KIAA1549L: variants seen among roughly 807,000 people sequenced by gnomAD.
KIAA1549L encodes the protein KIAA1549 like, also known as UPF0606 protein KIAA1549L.
Under a neutral mutation model 160.7 loss-of-function variants are expected in KIAA1549L, and 88 were observed. That is an observed-to-expected ratio of 0.55 (90% CI 0.46 to 0.65). The LOEUF (loss-of-function observed/expected upper bound fraction) is 0.65, where lower values mean the gene tolerates loss of function less well. Ranked by LOEUF, KIAA1549L falls within the 30% of genes least tolerant of loss-of-function variation. The pLI is 0.00. For missense variants in KIAA1549L, 2,258 were observed against 2,437.5 expected, an observed-to-expected ratio of 0.93 and a Z score of 1.55; for synonymous variants, 950 against 976.7, an observed-to-expected ratio of 0.97 and a Z score of 0.51.
intron 1 of KIAA1549L, among the ~76,000 whole-genome samples, chr11:33,518,236 A>G (rs960823831): frequency 2.0e-5 from 3 of 151,834 alleles, no homozygotes; most frequent in African/African-American, 4.8e-5. Flanking sequence ...AACTACTGAA[A>G]AAATTTCTTG....
At chr11:33,557,292 A>T (rs1306781655) in intron 6 of KIAA1549L, among the ~76,000 whole-genome samples, 2 of 152,064 alleles carry the variant, frequency 1.3e-5, no homozygotes, top group African/African-American at 4.8e-5. Context: ...CCCAGCCAGG[A>T]TGTGGTTTTG....
chr11:33,565,172 A>G (rs891940001), intron 8 of KIAA1549L, among the ~76,000 whole-genome samples: 1 of 152,110 alleles, frequency 6.6e-6, no homozygotes, highest in African/African-American at 2.4e-5. Context: ...AGAGAGGTAC[A>G]TGCCCCTTTC....
intron 1 of KIAA1549L, among the ~76,000 whole-genome samples, chr11:33,419,663 T>C (rs1850959734): frequency 6.6e-6 from 1 of 151,988 alleles, no homozygotes; most frequent in African/African-American, 2.4e-5. Flanking sequence ...CTGGTCAACA[T>C]AGTGAAACCC....
chr11:33,540,574 G>A (rs1487209175), intron 1 of KIAA1549L, among the ~76,000 whole-genome samples: 1 of 152,274 alleles, frequency 6.6e-6, no homozygotes, highest in East Asian at 1.9e-4. Context: ...TGTCTGAGGG[G>A]GGAATACCTC....
intron 16 of KIAA1549L, among the ~76,000 whole-genome samples, chr11:33,632,342 G>C (rs1851318914): frequency 6.6e-6 from 1 of 152,206 alleles, no homozygotes; most frequent in South Asian, 2.1e-4. Context: ...CAAGGTTTAT[G>C]GGTTTTACTC....
At chr11:33,523,549 TGA>T (rs1853545572) in intron 1 of KIAA1549L, among the ~76,000 whole-genome samples, 1 of 152,258 alleles carries the variant, frequency 6.6e-6, no homozygotes, top group African/African-American at 2.4e-5. Context: ...AAATTCTCTG[TGA>T]GATGCAAAAT....
At chr11:33,547,217 C>G (rs2133188985) in intron 3 of KIAA1549L, among the ~76,000 whole-genome samples, 1 of 152,350 alleles carries the variant, frequency 6.6e-6, no homozygotes, top group Non-Finnish European at 1.5e-5. Context: ...GAAATTTTCC[C>G]TGATCCCCAT....
chr11:33,419,774 G>A (rs1051067511), intron 1 of KIAA1549L, among the ~76,000 whole-genome samples: 13 of 152,024 alleles, frequency 8.6e-5, no homozygotes, highest in African/African-American at 3.1e-4. Context: ...TTGAACCCAG[G>A]AAGCGGAGGT....
intron 10 of KIAA1549L, among the ~76,000 whole-genome samples, chr11:33,579,095 A>G (rs1855550745): frequency 6.6e-6 from 1 of 152,146 alleles, no homozygotes; most frequent in Admixed American, 6.5e-5. Flanking sequence ...CTGCTCTTCC[A>G]CTTTCTAGTT....
intron 1 of KIAA1549L, among the ~76,000 whole-genome samples, chr11:33,405,400 T>C (rs1217379023): frequency 1.3e-5 from 2 of 152,166 alleles, no homozygotes; most frequent in Admixed American, 6.5e-5. Flanking sequence ...TACAAAATTA[T>C]TAAGCAGTGG....
rs1167212788 is a variant in KIAA1549L, at chr11:33,668,359, A to G, written c.*205A>G. The G allele has an allele frequency of 3.3e-6, 2 of 602,464 alleles. No individual in the cohort carries two copies. The highest frequency in any genetic ancestry group is 2.8e-5 in the East Asian group (1 of 35,962). 37.3% of individuals were successfully genotyped at this position (602,464 alleles called of 1,614,324 possible). A position where few individuals can be genotyped will look rare whatever the true frequency, so the allele number is the denominator to read the frequency against. Reference sequence around the variant, plus strand: ...GGCTCATCCAACTGATTGTGGGTCAAGTCCCTGGCTTGGGGCCTTATGTTT... The same window carrying G: ...GGCTCATCCAACTGATTGTGGGTCAGGTCCCTGGCTTGGGGCCTTATGTTT... On this transcript the variant is annotated 3_prime_UTR_variant, in exon 21 of 21. Coordinates refer to ENST00000658780, the MANE Select transcript of KIAA1549L (RefSeq NM_012194.3).
intron 1 of KIAA1549L, among the ~76,000 whole-genome samples, chr11:33,466,620 A>G (rs560445816): frequency 2.6e-5 from 4 of 152,282 alleles, no homozygotes; most frequent in Admixed American, 1.3e-4. Flanking sequence ...ATTGCTGGCT[A>G]TATACCCAAA....
intron 1 of KIAA1549L, among the ~76,000 whole-genome samples, chr11:33,531,567 A>T (rs1853774014): frequency 6.6e-6 from 1 of 152,232 alleles, no homozygotes. Context: ...AACTTTTTTA[A>T]AAAAGAAATA....
chr11:33,465,336 G>A (rs2133010427), intron 1 of KIAA1549L, among the ~76,000 whole-genome samples: 1 of 152,186 alleles, frequency 6.6e-6, no homozygotes, highest in African/African-American at 2.4e-5. Flanking sequence ...TTACAGGTAT[G>A]AGCCACCGTG....
At chr11:33,590,265 A>C (rs912982131) in intron 11 of KIAA1549L, among the ~76,000 whole-genome samples, 1 of 152,224 alleles carries the variant, frequency 6.6e-6, no homozygotes, top group African/African-American at 2.4e-5. Flanking sequence ...ACTGATGAGC[A>C]GAGAGTTGCA....
chr11:33,613,311 A>G (rs1259257102), intron 15 of KIAA1549L, among the ~76,000 whole-genome samples: 14 of 152,152 alleles, frequency 9.2e-5, no homozygotes. Flanking sequence ...CTGGTATGAG[A>G]TGGTACCTCA....
chr11:33,440,921 T>C (rs1851488864), intron 1 of KIAA1549L, among the ~76,000 whole-genome samples: 1 of 152,218 alleles, frequency 6.6e-6, no homozygotes, highest in Non-Finnish European at 1.5e-5. Context: ...CTTTTCTTTT[T>C]TTTTTATTAT....
chr11:33,624,977 C>A (rs192939972), intron 16 of KIAA1549L, among the ~76,000 whole-genome samples: 3,408 of 144,550 alleles, frequency 0.024, 138 homozygotes, highest in African/African-American at 0.077. Context: ...TCTCATTGTT[C>A]AATTCCCACC....
intron 1 of KIAA1549L, among the ~76,000 whole-genome samples, chr11:33,387,374 C>T (rs562179881): frequency 1.1e-4 from 17 of 152,112 alleles, no homozygotes; most frequent in African/African-American, 4.1e-4. Context: ...GGCACAGTCT[C>T]GGCTCACTGC....
Sources: gnomAD v4.1 joint callset for allele counts (sites outside exome capture counted in the v4.1 genomes callset) on GRCh38, gnomAD v4.1.1 for gene constraint, MANE v1.5 for transcripts, NCBI Gene and HGNC (gene_info 2026-07-23, HGNC 2026-07-21) for gene names.